ERGIC1: variants seen among roughly 807,000 people sequenced by gnomAD.
The protein encoded by ERGIC1 is endoplasmic reticulum-Golgi intermediate compartment protein 1.
In ERGIC1, 19 loss-of-function variants were observed where a neutral mutation model predicts 38.3. The ratio of observed to expected loss-of-function variants is 0.50; its 90% CI spans 0.35 to 0.73. The LOEUF is 0.73. Among genes scored for constraint, ERGIC1 ranks in the 30% least tolerant of loss-of-function variants. ERGIC1 has a pLI of 0.01. For synonymous variants in ERGIC1, 124 were observed against 157.6 expected, an observed-to-expected ratio of 0.79 and a Z score of 1.60; for missense variants, 294 against 389.2, an observed-to-expected ratio of 0.76 and a Z score of 2.06.
intron 1 of ERGIC1, among the ~76,000 whole-genome samples, chr5:172,880,948 T>G (rs1221410229): frequency 1.3e-5 from 2 of 152,238 alleles, no homozygotes; most frequent in Non-Finnish European, 2.9e-5. Flanking sequence ...CCATTTTCCT[T>G]TTTAAAAAGT....
At chr5:172,927,918 T>C (rs1763693147) in intron 7 of ERGIC1, among the ~76,000 whole-genome samples, 2 of 152,196 alleles carry the variant, frequency 1.3e-5, no homozygotes, top group African/African-American at 4.8e-5. Flanking sequence ...GCCTCTGATA[T>C]GTACAGGGTT....
intron 1 of ERGIC1, among the ~76,000 whole-genome samples, chr5:172,881,123 T>C (rs1762271826): frequency 6.6e-6 from 1 of 152,148 alleles, no homozygotes; most frequent in Admixed American, 6.5e-5. Context: ...GGCACATGCC[T>C]GTAATCCCAG....
At chr5:172,841,827 C>G (rs540381366) in intron 1 of ERGIC1, among the ~76,000 whole-genome samples, 9 of 152,130 alleles carry the variant, frequency 5.9e-5, no homozygotes, top group Non-Finnish European at 8.8e-5. Context: ...TACAATGATT[C>G]ATGATTTATT....
At chr5:172,932,696 T>G (rs1471528510) in intron 8 of ERGIC1, 160 bp downstream of exon 8, 2 of 671,994 alleles carry the variant, frequency 3.0e-6, no homozygotes, top group South Asian at 3.7e-5. Context: ...TGGGTAAAAT[T>G]GAAAAGCCCA....
chr5:172,932,549 T>C lies in ERGIC1; in HGVS notation c.642+13T>C. 6.2e-7 allele frequency: 1 copy of C among 1,613,090 alleles called. No individual in the cohort carries two copies. On this transcript the variant is annotated intron_variant, in intron 8 of 9. Coordinates refer to ENST00000393784, the MANE Select transcript of ERGIC1 (RefSeq NM_001031711.3). ...GGTGGCCAACAAGGTGCGCGGGCGG[T>C]GGCTGGGCCGAGCTGTGTGCGGCGG...
chr5:172,840,670 G>C (rs758349829), intron 1 of ERGIC1, among the ~76,000 whole-genome samples: 30 of 152,144 alleles, frequency 2.0e-4, no homozygotes, highest in Non-Finnish European at 4.1e-4. Flanking sequence ...CGGCAACTCT[G>C]TTACCCCACC....
At chr5:172,908,736 A>T (rs189442890) in intron 3 of ERGIC1, among the ~76,000 whole-genome samples, 1 of 152,228 alleles carries the variant, frequency 6.6e-6, no homozygotes. Context: ...TCTGACCTCC[A>T]AAAGCATAAG....
chr5:172,926,046 G>A lies in ERGIC1; in HGVS notation c.481-463G>A, dbSNP rs902495674. On this transcript the variant is annotated intron_variant, in intron 6 of 9. Coordinates refer to ENST00000393784, the MANE Select transcript of ERGIC1 (RefSeq NM_001031711.3). This position sits in a 1 kb window ranked among gnomAD's most constrained non-coding sequence, Gnocchi z 5.2. The stretch of plus-strand genomic sequence containing the variant: ...GGACTCCTCTATGGGCCTTTCAGAG[G>A]ACCCTGGGATCTCAGGAGAAACTTT... Among the ~76,000 whole-genome samples the A allele has an allele frequency of 1.3e-5, 2 of 152,168 alleles. No homozygotes were observed. Among genetic ancestry groups the A allele is most frequent in the Non-Finnish European group, 2.9e-5 (2 of 68,026 alleles).
chr5:172,839,580 TAC>T (rs149002147), intron 1 of ERGIC1, among the ~76,000 whole-genome samples: 16 of 149,828 alleles, frequency 1.1e-4, no homozygotes, highest in African/African-American at 3.2e-4. Flanking sequence ...CACACACACA[TAC>T]ACACACACAC....
chr5:172,842,357 A>G (rs1419460024), intron 1 of ERGIC1, among the ~76,000 whole-genome samples: 1 of 152,214 alleles, frequency 6.6e-6, no homozygotes, highest in Non-Finnish European at 1.5e-5. Context: ...GTCACAAATG[A>G]CAGAATTTCC....
At chr5:172,930,355 AT>A (rs113244306) in intron 7 of ERGIC1, among the ~76,000 whole-genome samples, 80,308 of 146,064 alleles carry the variant, frequency 0.55, 22,242 homozygotes, top group African/African-American at 0.62. Flanking sequence ...GTTTTGTACA[AT>A]TTTTTTTTTT....
At chr5:172,894,385 G>A (rs959725154) in intron 2 of ERGIC1, among the ~76,000 whole-genome samples, 6 of 151,566 alleles carry the variant, frequency 4.0e-5, no homozygotes, top group African/African-American at 1.5e-4. Context: ...TAGTAGGGAC[G>A]GGGTTTCACC....
intron 3 of ERGIC1, among the ~76,000 whole-genome samples, chr5:172,900,666 C>T (rs1762847420): frequency 6.6e-6 from 1 of 151,126 alleles, no homozygotes; most frequent in South Asian, 2.1e-4. Flanking sequence ...GCCATGATTG[C>T]ACCACGGCAC....
intron 1 of ERGIC1, among the ~76,000 whole-genome samples, chr5:172,871,369 C>G (rs1300620672): frequency 6.6e-6 from 1 of 152,252 alleles, no homozygotes; most frequent in African/African-American, 2.4e-5. Context: ...GAATGCTCTT[C>G]CCTGGCTATC....
chr5:172,913,948 C>G (rs1561732912), intron 4 of ERGIC1, among the ~76,000 whole-genome samples: 2 of 152,064 alleles, frequency 1.3e-5, no homozygotes, highest in African/African-American at 4.8e-5. Context: ...CAAAAACTCT[C>G]TGAAGGCCAG....
chr5:172,948,895 A>C (rs1386385764), intron 9 of ERGIC1, among the ~76,000 whole-genome samples: 1 of 152,154 alleles, frequency 6.6e-6, no homozygotes, highest in East Asian at 1.9e-4. Flanking sequence ...CAAATTAAAA[A>C]TTAAAAAAAA....
chr5:172,852,310 G>T (rs1432003692), intron 1 of ERGIC1, among the ~76,000 whole-genome samples: 2 of 152,216 alleles, frequency 1.3e-5, no homozygotes. Flanking sequence ...GCCCTCTGTG[G>T]GCTTGTTAGC....
At chr5:172,919,491 C>T (rs1322760333) in intron 5 of ERGIC1, among the ~76,000 whole-genome samples, 1 of 152,174 alleles carries the variant, frequency 6.6e-6, no homozygotes, top group Admixed American at 6.5e-5. Context: ...CAGTCTGCTC[C>T]CCTTAGAATG....
At chr5:172,851,671 A>G (rs930462679) in intron 1 of ERGIC1, among the ~76,000 whole-genome samples, 1 of 152,030 alleles carries the variant, frequency 6.6e-6, no homozygotes, top group Non-Finnish European at 1.5e-5. Context: ...GTGGGGGGGT[A>G]TGGTCACCTC....
Sources: allele counts gnomAD v4.1 joint callset (sites outside exome capture counted in the v4.1 genomes callset), GRCh38; gene constraint gnomAD v4.1.1; non-coding constraint Gnocchi (gnomAD v3.1); transcripts MANE v1.5; gene names NCBI Gene and HGNC (gene_info 2026-07-23, HGNC 2026-07-21).